The following IQCK variants were observed in gnomAD, a reference collection of about 807,000 sequenced individuals.
IQCK encodes IQ domain-containing protein K.
Under a neutral mutation model 28.1 loss-of-function variants are expected in IQCK, and 29 were observed. The ratio of observed to expected loss-of-function variants is 1.03; its 90% confidence interval spans 0.77 to 1.41. The LOEUF (loss-of-function observed/expected upper bound fraction) is 1.41, where lower values mean the gene tolerates loss of function less well. Among genes scored for constraint, IQCK ranks in the 40% most tolerant of loss-of-function variants. IQCK has a pLI of 0.00. For synonymous variants in IQCK, 113 were observed against 115.1 expected (o/e 0.98, Z 0.12); for missense variants, 359 against 314.7 (o/e 1.14, Z -1.07).
At chr16:19,810,218 C>A (rs2055884896) in intron 7 of IQCK, among the ~76,000 whole-genome samples, 1 of 152,186 alleles carries the variant, frequency 6.6e-6, no homozygotes, top group Non-Finnish European at 1.5e-5. Context: ...GATGTTCGGC[C>A]AGGCGCGGTG....
In IQCK at chr16:19,827,163, AG is replaced by A. The variant is rs753774357; in HGVS notation, c.829del (p.Val277PhefsTer?). On this transcript the variant is annotated frameshift_variant, in exon 8 of 8. Transcript: ENST00000564186. LOFTEE classifies it high-confidence loss of function. ...GTAAGTTGCTGGATTCACTGTCCTT[AG>A]TTCATTCAAGAAAAGCCTGATTCTT... The A allele has an allele frequency of 6.8e-7, 1 of 1,466,684 alleles. No homozygotes were observed. Among genetic ancestry groups the A allele is most frequent in the Non-Finnish European group, 9.6e-7 (1 of 1,045,634 alleles). The allele number at this position is 1,466,684 out of a possible 1,614,324, so 90.9% of individuals were successfully genotyped here. A position where few individuals can be genotyped will look rare whatever the true frequency, so the allele number is the denominator to read the frequency against.
intron 6 of IQCK, among the ~76,000 whole-genome samples, chr16:19,765,090 C>T (rs1445809375): frequency 3.4e-5 from 5 of 146,590 alleles, no homozygotes; most frequent in African/African-American, 5.0e-5. Flanking sequence ...GGCATAGTGG[C>T]GGGCGCCTGT....
intron 3 of IQCK, among the ~76,000 whole-genome samples, chr16:19,734,707 A>C (rs999071215): frequency 2.8e-5 from 4 of 143,458 alleles, no homozygotes; most frequent in Admixed American, 1.4e-4. Context: ...CTTGAGCCTG[A>C]GAGGTCCAGG....
At chr16:19,749,176 T>C (rs2054952681) in intron 4 of IQCK, among the ~76,000 whole-genome samples, 1 of 152,154 alleles carries the variant, frequency 6.6e-6, no homozygotes, top group Non-Finnish European at 1.5e-5. Flanking sequence ...ATCCAGGAAA[T>C]AGAGAAGAGA....
In IQCK at chr16:19,834,392, G is replaced by A. The variant is rs185706595; in HGVS notation, c.802+7255G>A. The stretch of plus-strand genomic sequence containing the variant: ...GCCAGAGACCAGGGATTTGAACCCG[G>A]ATCTACCTGATGCCAAAGAGGCTAG... On this transcript the variant is annotated intron_variant, in intron 9 of 9. Coordinates refer to the IQCK transcript ENST00000320394. Among the ~76,000 whole-genome samples the A allele has an allele frequency of 1.2e-3, 190 of 152,300 alleles. 2 individuals are homozygous for A. The highest frequency in any genetic ancestry group is 6.8e-3 in the Middle Eastern group (2 of 294).
chr16:19,756,464 T>G lies in IQCK; in HGVS notation c.475-7384T>G, dbSNP rs2055053470. Reference sequence around the variant, plus strand: ...TAACTGAGGTACTATGATCTGAATGTCTATATCTTCCCCCCAGATTCATAT... The same window carrying G: ...TAACTGAGGTACTATGATCTGAATGGCTATATCTTCCCCCCAGATTCATAT... On this transcript the variant is annotated intron_variant, in intron 4 of 7. Coordinates refer to ENST00000564186, the Ensembl canonical transcript of IQCK. 2.0e-5 allele frequency among the ~76,000 whole-genome samples: 3 copies of G among 152,222 alleles called. No homozygotes were observed. In the South Asian group the frequency reaches 6.2e-4, roughly 32 times the overall value.
chr16:19,819,302 G>T, intron 7 of IQCK, among the ~76,000 whole-genome samples: 1 of 151,946 alleles, frequency 6.6e-6, no homozygotes, highest in South Asian at 2.1e-4. Flanking sequence ...AGACGAGCCT[G>T]GCCAACATAG....
intron 4 of IQCK, among the ~76,000 whole-genome samples, chr16:19,758,304 T>C (rs754479183): frequency 6.6e-6 from 1 of 152,236 alleles, no homozygotes; most frequent in African/African-American, 2.4e-5. Flanking sequence ...CTGTTCCACA[T>C]GTCTGGGTAT....
chr16:19,821,164 G>A (rs569666445), intron 7 of IQCK, among the ~76,000 whole-genome samples: 4 of 152,078 alleles, frequency 2.6e-5, no homozygotes, highest in Admixed American at 6.6e-5. Context: ...GCAAAAAAGC[G>A]AGACCCTATT....
chr16:19,841,305 C>CTT (rs2056359921), intron 9 of IQCK, among the ~76,000 whole-genome samples: 1 of 152,116 alleles, frequency 6.6e-6, no homozygotes, highest in Non-Finnish European at 1.5e-5. Context: ...ACTAAGGAAT[C>CTT]TTTTGCATGA....
At chr16:19,751,203 T>C (rs1408164168) in intron 4 of IQCK, among the ~76,000 whole-genome samples, 2 of 152,098 alleles carry the variant, frequency 1.3e-5, no homozygotes, top group African/African-American at 4.8e-5. Context: ...TTATTAAGAA[T>C]TGTGCTTGGC....
intron 4 of IQCK, chr16:19,761,494 T>G (rs1360767110): frequency 6.7e-6 from 3 of 445,612 alleles, no homozygotes; most frequent in African/African-American, 6.0e-5. Flanking sequence ...GCATCTTTCT[T>G]CTTGGGAAGG....
chr16:19,808,145 A>G (rs572911703), intron 7 of IQCK, among the ~76,000 whole-genome samples: 21 of 152,250 alleles, frequency 1.4e-4, no homozygotes, highest in South Asian at 6.2e-4. Context: ...CGGCAGGCCA[A>G]AATAGGCCAC....
chr16:19,827,972 G>C (rs1781501197), downstream of IQCK, among the ~76,000 whole-genome samples: 1 of 152,026 alleles, frequency 6.6e-6, no homozygotes, highest in African/African-American at 2.4e-5. Flanking sequence ...GAGTGCAGCG[G>C]TGTGACCTTG....
Position 19,735,461 on chromosome 16 carries a change from T to C in IQCK, c.474+11T>C, listed in dbSNP as rs772219600. The C allele has an allele frequency of 6.4e-6, 10 of 1,571,680 alleles. No homozygotes were observed. The highest frequency in any genetic ancestry group is 4.5e-5 in the East Asian group (2 of 44,708). ...GAAAAATGTTTTGAGGTCAGTTGTT[T>C]GGCAGGATTTCTTTATTTTGAGATT... On this transcript the variant is annotated intron_variant, in intron 4 of 7. Coordinates refer to ENST00000564186, the Ensembl canonical transcript of IQCK.
At chr16:19,742,358 C>T (rs1316341443) in intron 4 of IQCK, among the ~76,000 whole-genome samples, 2 of 152,262 alleles carry the variant, frequency 1.3e-5, no homozygotes, top group African/African-American at 4.8e-5. Flanking sequence ...CTCCATGTTC[C>T]CCCGTCCCCG....
At chr16:19,839,216 A>C (rs553667127) in intron 9 of IQCK, among the ~76,000 whole-genome samples, 21 of 151,462 alleles carry the variant, frequency 1.4e-4, no homozygotes, top group Admixed American at 1.4e-3. Context: ...GATGGAGTGC[A>C]ATGGCATGAT....
chr16:19,728,920 C>T (rs1476655379), intron 1 of IQCK, among the ~76,000 whole-genome samples: 1 of 152,188 alleles, frequency 6.6e-6, no homozygotes, highest in African/African-American at 2.4e-5. Flanking sequence ...AACTTATGTC[C>T]ATACGACTGT....
chr16:19,785,557 G>C (rs931587317), intron 6 of IQCK, among the ~76,000 whole-genome samples: 1 of 152,204 alleles, frequency 6.6e-6, no homozygotes, highest in South Asian at 2.1e-4. Context: ...TTCCTGCACA[G>C]CTGATGGGAA....
Sources: allele counts gnomAD v4.1 joint callset (sites outside exome capture counted in the v4.1 genomes callset), GRCh38; gene constraint gnomAD v4.1.1; transcripts MANE v1.5; gene names NCBI Gene and HGNC (gene_info 2026-07-23, HGNC 2026-07-21).